EP400: variants seen among roughly 807,000 people sequenced by gnomAD.
EP400 encodes E1A binding protein p400.
Under a neutral mutation model 354.1 loss-of-function variants are expected in EP400, and 105 were observed. The observed-to-expected ratio is 0.30, with a 90% CI of 0.25 to 0.35. EP400 has a LOEUF of 0.35. Ranked by LOEUF, EP400 falls within the 10% of genes least tolerant of loss-of-function variation. The pLI, the probability that EP400 is intolerant of heterozygous loss-of-function variation, is 1.00. For synonymous variants in EP400, 1,646 were observed against 1,716.9 expected (o/e 0.96, Z 1.02); for missense variants, 3,280 against 4,121.0 (o/e 0.80, Z 5.59).
chr12:131,972,695 T>A (rs1233917569), intron 2 of EP400, among the ~76,000 whole-genome samples: 1 of 151,258 alleles, frequency 6.6e-6, no homozygotes, highest in Non-Finnish European at 1.5e-5. Flanking sequence ...AAATGAATAA[T>A]TCGCCATAAT....
At chr12:132,020,527 C>A (rs567616611) in intron 22 of EP400, among the ~76,000 whole-genome samples, 1 of 152,226 alleles carries the variant, frequency 6.6e-6, no homozygotes, top group Admixed American at 6.5e-5. Flanking sequence ...CTAGGAGACT[C>A]CTGAGAACGT....
At chr12:131,973,063 A>G (rs184373435) in intron 2 of EP400, among the ~76,000 whole-genome samples, 17 of 152,352 alleles carry the variant, frequency 1.1e-4, no homozygotes, top group African/African-American at 3.8e-4. Context: ...CATATATACC[A>G]GTTGAAACAA....
At chr12:132,010,937 C>T (rs1388795933) in intron 15 of EP400, among the ~76,000 whole-genome samples, 1 of 151,976 alleles carries the variant, frequency 6.6e-6, no homozygotes, top group Non-Finnish European at 1.5e-5. Flanking sequence ...AGCAACACTC[C>T]ATCTTAAAAA....
chr12:131,960,707 G>GACCCCCCCCCCCCC lies in EP400; in HGVS notation c.88_89insACCCCCCCCCCCCC (p.Ala30AspfsTer37). ...TGGCAGCGAGGGTGAGGAGCAGCCG[G>GACCCCCCCCCCCCC]CCCACCCCAACCCACCCCCGTCCCC... On this transcript the variant is annotated frameshift_variant, in exon 2 of 53. Coordinates refer to ENST00000389561, the MANE Select transcript of EP400 (RefSeq NM_015409.5). LOFTEE classifies it high-confidence loss of function. 2 of 1,545,590 alleles carry GACCCCCCCCCCCCC rather than the reference G, an allele frequency of 1.3e-6. No homozygotes were observed. Among genetic ancestry groups the GACCCCCCCCCCCCC allele is most frequent in the South Asian group, 1.2e-5 (1 of 83,348 alleles).
rs1891883619 is a variant in EP400 at position 131,961,560 on chromosome 12, C to T, written c.941C>T (p.Thr314Met). 1.0e-5 allele frequency: 16 copies of T among 1,551,188 alleles called. No homozygotes were observed. The highest frequency in any genetic ancestry group is 2.4e-5 in the East Asian group (1 of 41,520). The stretch of plus-strand genomic sequence containing the variant: ...GGGGGCGCAGCGGGGTTTGGGATGA[C>T]GTCCCCACCCCCGCCCACCAGCCCT... The part of the protein sequence containing the change: ...GAGGAAGFGM[T>M]SPPPPTSPSR... Residue 314 changes from threonine (T) to methionine (M), a missense_variant, in exon 2 of 53, where the codon ACG (threonine) becomes ATG (methionine). Thr to Met is a moderately conservative substitution (Grantham distance 81). Around this residue, in one of 20 missense-constraint regions of EP400, gnomAD observed 85 missense variants for 180.3 expected, o/e 0.47. Transcript: ENST00000389561.
rs575113265 is a variant in EP400, at chr12:132,050,216, G to T, written c.7201-107G>T. The T allele has an allele frequency of 2.0e-4, 279 of 1,365,784 alleles. 3 individuals carry two copies. In the South Asian group the frequency reaches 3.7e-3, roughly 18 times the overall value. The allele number at this position is 1,365,784 out of a possible 1,614,324, so 84.6% of individuals were successfully genotyped here. A position where few individuals can be genotyped will look rare whatever the true frequency, so the allele number is the denominator to read the frequency against. On this transcript the variant is annotated intron_variant, in intron 39 of 52. Coordinates refer to ENST00000389561, the MANE Select transcript of EP400 (RefSeq NM_015409.5). The surrounding 1 kb of genome is among the most constrained non-coding windows in gnomAD (Gnocchi z 4.8). ...CCCAGGAAAAGGAAGTTTGTGTTCA[G>T]CCATGGGGAGTTTAGCCTCAGATTC...
chr12:131,980,493 G>T (rs1462399223), intron 3 of EP400, among the ~76,000 whole-genome samples: 3 of 152,162 alleles, frequency 2.0e-5, no homozygotes, highest in African/African-American at 7.2e-5. Context: ...GTTACAGTGA[G>T]CTAAGGATTG....
chr12:132,062,587 G>GCAA lies in EP400; in HGVS notation c.8222_8223insACA (p.Gln2748dup), dbSNP rs1895740664. The GCAA allele has an allele frequency of 2.5e-6, 4 of 1,596,982 alleles. No individual in the cohort carries two copies. Among genetic ancestry groups the GCAA allele is most frequent in the Middle Eastern group, 1.7e-4 (1 of 6,012 alleles). ...AGCAGCAGCAGCAGCAGCAGCAGCA[G>GCAA]CAGCAACAGCAGCAGCAGCAACAGA... On this transcript the variant is annotated inframe_insertion, in exon 47 of 53. Transcript: ENST00000389561.
intron 30 of EP400, 110 bp from the exon 31 acceptor site, chr12:132,037,572 T>C (rs1565924658): frequency 2.4e-6 from 2 of 820,306 alleles, no homozygotes; most frequent in East Asian, 5.2e-5. Context: ...TGAGCAGGGG[T>C]AGCTGGAGGA....
chr12:132,013,485 T>C lies in EP400; in HGVS notation c.3612-5T>C. On this transcript the variant is annotated splice_polypyrimidine_tract_variant and splice_region_variant and intron_variant, in intron 17 of 52. Coordinates refer to ENST00000389561, the MANE Select transcript of EP400 (RefSeq NM_015409.5). The surrounding 1 kb of genome is among the most constrained non-coding windows in gnomAD (Gnocchi z 4.5). ...CTCCAGTGTTGTCTCTTGTCCTGTT[T>C]GCAGCCAACAACGTCTGCTTCTGAT... 6.4e-7 allele frequency: 1 copy of C among 1,554,850 alleles called. No individual in the cohort carries two copies. The highest frequency in any genetic ancestry group is 8.7e-7 in the Non-Finnish European group (1 of 1,149,766).
chr12:131,966,546 G>GGGCCACAT (rs1892089667), intron 2 of EP400, among the ~76,000 whole-genome samples: 1 of 120,420 alleles, frequency 8.3e-6, no homozygotes, highest in Non-Finnish European at 1.6e-5. Context: ...CTGGGCCACA[G>GGGCCACAT]AGTGATACCC....
intron 5 of EP400, among the ~76,000 whole-genome samples, chr12:131,984,863 T>C (rs1487393263): frequency 6.6e-6 from 1 of 151,786 alleles, no homozygotes; most frequent in African/African-American, 2.4e-5. Context: ...CACGCCCTAC[T>C]AGGTTTTTTT....
intron 2 of EP400, chr12:131,963,700 ATT>A (rs1566162641): frequency 6.4e-6 from 9 of 1,401,206 alleles, no homozygotes; most frequent in Non-Finnish European, 7.8e-6. Flanking sequence ...TCATCCAGAT[ATT>A]TTAACCTTCG....
In EP400 at chr12:132,045,799, C is replaced by A. The variant is rs1253466282; in HGVS notation, c.7099C>A (p.Leu2367Ile). 1 of 1,614,254 alleles carries A rather than the reference C, an allele frequency of 6.2e-7. No individual in the cohort carries two copies. The highest frequency in any genetic ancestry group is 8.5e-7 in the Non-Finnish European group (1 of 1,180,050). ...VSPAHTPNWD[L>I]VSDVVNSCSR... ...ACCTGCTCACACACCTAATTGGGAT[C>A]TTGTCAGTGACGTTGTTAACTCCTG... The change falls in exon 39 of 53, where the codon CTT (leucine) becomes ATT (isoleucine). Residue 2367 changes from leucine to isoleucine, a missense_variant. By Grantham distance (5) the Leu-to-Ile change is conservative. This residue lies in a region of EP400 where 84 missense variants were observed against 133.0 expected (regional missense o/e 0.63). Transcript: ENST00000389561.
chr12:132,026,498 G>A (rs544690948), intron 25 of EP400, among the ~76,000 whole-genome samples: 1 of 152,282 alleles, frequency 6.6e-6, no homozygotes, highest in South Asian at 2.1e-4. Flanking sequence ...GTGGGGAGGG[G>A]CCATGGCTTG....
intron 16 of EP400, among the ~76,000 whole-genome samples, chr12:132,012,033 T>C (rs1174692876): frequency 6.6e-6 from 1 of 152,222 alleles, no homozygotes; most frequent in Non-Finnish European, 1.5e-5. Context: ...TTCCACAACA[T>C]GCCTAATAGA....
chr12:131,997,010 A>C lies in EP400; in HGVS notation c.2827+2054A>C, dbSNP rs540621736. 2.0e-5 allele frequency among the ~76,000 whole-genome samples: 3 copies of C among 152,254 alleles called. No homozygotes were observed. The East Asian group carries it at 5.8e-4, about 29-fold the overall frequency. The stretch of plus-strand genomic sequence containing the variant: ...TAATGTTGTCAATAAGTTCCTGGAA[A>C]CTGCAACTTTAAGTGAAATGACGTT... On this transcript the variant is annotated intron_variant, in intron 12 of 52. Transcript: ENST00000389561.
Position 131,986,626 on chromosome 12 carries a change from C to A in EP400, c.2042C>A (p.Ser681Tyr). ...APVSGSGPGP[S>Y]PARSSPVNRP... ...GTGAGTGGCTCCGGCCCAGGACCCT[C>A]CCCTGCTCGATCCTCTCCAGTAAAT... Residue 681 changes from serine (S) to tyrosine (Y), a missense_variant, in exon 6 of 53, where the codon TCC becomes TAC. This residue lies in a region of EP400 where 800 missense variants were observed against 840.0 expected (regional missense o/e 0.95). Transcript: ENST00000389561. The A allele has an allele frequency of 6.2e-7, 1 of 1,614,082 alleles. No individual in the cohort carries two copies. The highest frequency in any genetic ancestry group is 8.5e-7 in the Non-Finnish European group (1 of 1,180,010).
chr12:131,991,747 AT>A (rs34586080), intron 10 of EP400, among the ~76,000 whole-genome samples: 164 of 144,358 alleles, frequency 1.1e-3, no homozygotes, highest in Middle Eastern at 3.5e-3. Flanking sequence ...CACCTGGCTA[AT>A]TTTTTTTTTT....
Sources: allele counts gnomAD v4.1 joint callset (sites outside exome capture counted in the v4.1 genomes callset), GRCh38; gene constraint gnomAD v4.1.1; regional missense constraint gnomAD v4.1.1; non-coding constraint Gnocchi (gnomAD v3.1); transcripts MANE v1.5; gene names NCBI Gene and HGNC (gene_info 2026-07-23, HGNC 2026-07-21).